Variants in SYT14 observed in about 807,000 individuals in gnomAD.
SYT14 encodes synaptotagmin-14.
In SYT14, 32 loss-of-function variants were observed where a neutral mutation model predicts 74.2. The ratio of observed to expected loss-of-function variants is 0.43; its 90% CI spans 0.33 to 0.58. The LOEUF is 0.58. Ranked by LOEUF, SYT14 falls within the 20% of genes least tolerant of loss-of-function variation. SYT14 has a pLI of 0.05. For synonymous variants in SYT14, 298 were observed against 337.7 expected (o/e 0.88, Z 1.29); for missense variants, 791 against 981.8 (o/e 0.81, Z 2.60).
chr1:210,122,103 A>G (rs949795383), intron 7 of SYT14, among the ~76,000 whole-genome samples: 2 of 58,612 alleles, frequency 3.4e-5, no homozygotes, highest in Non-Finnish European at 5.7e-5. Flanking sequence ...TCAGCCTCCC[A>G]AGTAGCTGGG....
chr1:210,129,549 G>A (rs1558209354), intron 7 of SYT14, among the ~76,000 whole-genome samples: 1 of 152,210 alleles, frequency 6.6e-6, no homozygotes, highest in Non-Finnish European at 1.5e-5. Flanking sequence ...GTGATGAATG[G>A]ATGCTAGGGA....
chr1:210,020,235 G>T (rs188633009), intron 4 of SYT14, among the ~76,000 whole-genome samples: 140 of 152,090 alleles, frequency 9.2e-4, no homozygotes, highest in African/African-American at 3.2e-3. Context: ...TTTAATGACT[G>T]CATAATATAT....
intron 5 of SYT14, among the ~76,000 whole-genome samples, chr1:210,023,360 T>A (rs938749019): frequency 1.3e-5 from 2 of 152,160 alleles, no homozygotes; most frequent in Non-Finnish European, 2.9e-5. Context: ...ACAAACTTTC[T>A]TGAGATGGAG....
chr1:209,950,735 A>G (rs573997437), intron 1 of SYT14, among the ~76,000 whole-genome samples: 7 of 152,242 alleles, frequency 4.6e-5, no homozygotes, highest in African/African-American at 1.7e-4. Context: ...AGTGGATATC[A>G]TGGTTTTTAC....
rs190172822 is a variant in SYT14 at position 210,018,488 on chromosome 1, T to A, written c.1096+1389T>A. 2.0e-3 allele frequency among the ~76,000 whole-genome samples: 310 copies of A among 152,308 alleles called. 1 individual carries two copies. The highest frequency in any genetic ancestry group is 3.3e-3 in the Non-Finnish European group (225 of 68,020). On this transcript the variant is annotated intron_variant, in intron 4 of 9. Coordinates refer to ENST00000637265, the Ensembl canonical transcript of SYT14. ...GTGATCTTTGGTAGGCCTAGTTTAG[T>A]TCTGGTAGACTTACTGCTTAAAGTA...
At chr1:210,075,559 T>C (rs1002187635) in intron 5 of SYT14, among the ~76,000 whole-genome samples, 5 of 150,264 alleles carry the variant, frequency 3.3e-5, no homozygotes, top group Non-Finnish European at 6.0e-5. Context: ...GGTCTCCAAC[T>C]CCTGACCTCG....
At chr1:210,056,324 CA>C (rs1456387745) in intron 5 of SYT14, among the ~76,000 whole-genome samples, 2 of 151,540 alleles carry the variant, frequency 1.3e-5, no homozygotes, top group African/African-American at 4.9e-5. Context: ...CACCCCCCAC[CA>C]AAAAAATATT....
At chr1:210,113,033 G>A (rs1386490239) in intron 7 of SYT14, among the ~76,000 whole-genome samples, 1 of 151,374 alleles carries the variant, frequency 6.6e-6, no homozygotes, top group East Asian at 1.9e-4. Flanking sequence ...GCCTCTAAAA[G>A]TATTAAAGCA....
At chr1:209,989,831 T>C (rs1266019844) in intron 2 of SYT14, among the ~76,000 whole-genome samples, 1 of 152,146 alleles carries the variant, frequency 6.6e-6, no homozygotes, top group African/African-American at 2.4e-5. Context: ...GAAATTTTAC[T>C]GTGAAATTAT....
At chr1:209,972,055 A>T (rs1490635629) in intron 2 of SYT14, among the ~76,000 whole-genome samples, 1 of 151,958 alleles carries the variant, frequency 6.6e-6, no homozygotes, top group Non-Finnish European at 1.5e-5. Flanking sequence ...TATTGATTCA[A>T]TTTTGGAACT....
rs373806271 is a variant in SYT14 at position 210,026,043 on chromosome 1, G to A, written c.1312+4789G>A. Among the ~76,000 whole-genome samples, 7 of 151,670 alleles carry A rather than the reference G, an allele frequency of 4.6e-5. No homozygotes were observed. The East Asian group carries it at 1.4e-3, about 29-fold the overall frequency. ...CTAGAAAAAGTAGGAAAATGTAATG[G>A]CATATTTGTTGATCATGTTTTCTCC... On this transcript the variant is annotated intron_variant, in intron 5 of 9. Transcript: ENST00000637265.
chr1:210,081,718 T>G (rs1012206375), intron 5 of SYT14, among the ~76,000 whole-genome samples: 3 of 152,144 alleles, frequency 2.0e-5, no homozygotes, highest in South Asian at 2.1e-4. Flanking sequence ...GTTGGAGAGA[T>G]AAAACTATAG....
intron 7 of SYT14, among the ~76,000 whole-genome samples, chr1:210,121,672 T>G (rs1269670823): frequency 1.3e-5 from 2 of 151,568 alleles, no homozygotes; most frequent in Non-Finnish European, 2.9e-5. Context: ...CGGGCGCCTG[T>G]AGTCCCAGCT....
intron 2 of SYT14, among the ~76,000 whole-genome samples, chr1:210,011,605 T>A (rs758273943): frequency 4.6e-5 from 7 of 152,234 alleles, no homozygotes; most frequent in Non-Finnish European, 8.8e-5. Context: ...TATTCAATTC[T>A]ATACCTGGTA....
intron 2 of SYT14, among the ~76,000 whole-genome samples, chr1:209,983,659 C>G (rs1470129169): frequency 6.6e-6 from 1 of 152,122 alleles, no homozygotes; most frequent in East Asian, 1.9e-4. Flanking sequence ...ATTAATCTTA[C>G]TTAAGAAAGT....
At chr1:209,950,502 T>G (rs2078895110) in intron 1 of SYT14, among the ~76,000 whole-genome samples, 1 of 152,172 alleles carries the variant, frequency 6.6e-6, no homozygotes, top group Non-Finnish European at 1.5e-5. Flanking sequence ...TTTTTCACAC[T>G]GGGGTTTTGC....
At chr1:210,021,578 A>G (rs1041747976) in intron 5 of SYT14, among the ~76,000 whole-genome samples, 2 of 152,224 alleles carry the variant, frequency 1.3e-5, no homozygotes, top group Admixed American at 1.3e-4. Context: ...TGGTTTCTCT[A>G]TACCTGTTAT....
chr1:209,946,313 C>G (rs574121239), intron 1 of SYT14, among the ~76,000 whole-genome samples: 3 of 152,184 alleles, frequency 2.0e-5, no homozygotes, highest in Non-Finnish European at 2.9e-5. Context: ...TGAGACTGGC[C>G]AAAAGCTAGG....
intron 7 of SYT14, among the ~76,000 whole-genome samples, chr1:210,103,730 A>G (rs558659602): frequency 2.4e-4 from 37 of 152,272 alleles, no homozygotes; most frequent in South Asian, 6.2e-4. Flanking sequence ...CATTAGTGAA[A>G]TCAGAGGATT....
Sources: allele counts gnomAD v4.1 joint callset (sites outside exome capture counted in the v4.1 genomes callset), GRCh38; gene constraint gnomAD v4.1.1; transcripts MANE v1.5; gene names NCBI Gene and HGNC (gene_info 2026-07-23, HGNC 2026-07-21).